The following NALCN variants were observed in gnomAD, a reference collection of about 807,000 sequenced individuals.
The protein encoded by NALCN is sodium leak channel NALCN.
A neutral mutation model predicts 225.3 loss-of-function variants in NALCN; 111 were observed. That is an observed-to-expected ratio of 0.49 (90% CI 0.42 to 0.58). The LOEUF (loss-of-function observed/expected upper bound fraction) is 0.58. Among genes scored for constraint, NALCN ranks in the 20% least tolerant of loss-of-function variants. The probability of loss-of-function intolerance (pLI) is 0.00; values close to 1 mark genes in which losing one functional copy is unlikely to be tolerated. For synonymous variants in NALCN, 764 were observed against 769.0 expected, an observed-to-expected ratio of 0.99 and a Z score of 0.11; for missense variants, 1,378 against 2,202.4, an observed-to-expected ratio of 0.63 and a Z score of 7.49.
rs143537979 is a variant in NALCN, at chr13:101,138,704, T to G, written c.2118+4376A>C. 2.3e-3 allele frequency among the ~76,000 whole-genome samples: 345 copies of G among 152,336 alleles called. 2 individuals are homozygous for G. Among genetic ancestry groups the G allele is most frequent in the African/African-American group, 7.8e-3 (323 of 41,574 alleles). The stretch of plus-strand genomic sequence containing the variant: ...TGTAGACTCAACCACAGGTGAGACC[T>G]TGACCTTGACTGGATGTCTCACTTC... On this transcript the variant is annotated intron_variant, in intron 17 of 43. Coordinates refer to ENST00000251127, the MANE Select transcript of NALCN (RefSeq NM_052867.4).
chr13:101,172,203 C>T (rs1199047911), intron 15 of NALCN, among the ~76,000 whole-genome samples: 3 of 152,054 alleles, frequency 2.0e-5, no homozygotes, highest in Non-Finnish European at 2.9e-5. Flanking sequence ...CAGGAGAACA[C>T]GGGCCCACCG....
In NALCN at chr13:101,321,921, A is replaced by T. The variant is rs546738140; in HGVS notation, c.799+23345T>A. 2.0e-5 allele frequency among the ~76,000 whole-genome samples: 3 copies of T among 152,314 alleles called. No individual in the cohort carries two copies. In the East Asian group the frequency reaches 5.8e-4, roughly 29 times the overall value. ...TTGCTGTCTTAATAGTTTAAAGAAA[A>T]GAATTAATGTATTTCTTATGTAATT... is the stretch of plus-strand genomic sequence containing the variant. On this transcript the variant is annotated intron_variant, in intron 7 of 43. Transcript: ENST00000251127.
At chr13:101,149,942 A>T in intron 15 of NALCN, among the ~76,000 whole-genome samples, 1 of 152,254 alleles carries the variant, frequency 6.6e-6, no homozygotes, top group Non-Finnish European at 1.5e-5. Context: ...GCACACCCAC[A>T]AGGCACAAGC....
chr13:101,361,472 A>C (rs999596221), intron 6 of NALCN, among the ~76,000 whole-genome samples: 3 of 152,200 alleles, frequency 2.0e-5, no homozygotes, highest in African/African-American at 7.2e-5. Flanking sequence ...TTGTAACTAA[A>C]GGAAAACTAA....
At chr13:101,172,430 T>C (rs139699185) in intron 15 of NALCN, among the ~76,000 whole-genome samples, 82 of 152,300 alleles carry the variant, frequency 5.4e-4, no homozygotes, top group African/African-American at 1.9e-3. Flanking sequence ...ATTTCTTCAC[T>C]AGTACCTTTT....
chr13:101,277,732 C>T (rs565708795), intron 10 of NALCN, among the ~76,000 whole-genome samples: 18 of 152,112 alleles, frequency 1.2e-4, no homozygotes, highest in African/African-American at 3.9e-4. Flanking sequence ...TTATTTATTT[C>T]CACACGATAG....
At chr13:101,408,043 C>G (rs147710849) in intron 1 of NALCN, among the ~76,000 whole-genome samples, 4 of 152,162 alleles carry the variant, frequency 2.6e-5, no homozygotes, top group African/African-American at 9.6e-5. Flanking sequence ...AAGATAAGTG[C>G]CTTGTCTGAG....
intron 11 of NALCN, among the ~76,000 whole-genome samples, chr13:101,251,919 A>C (rs2042074100): frequency 6.6e-6 from 1 of 152,220 alleles, no homozygotes; most frequent in African/African-American, 2.4e-5. Flanking sequence ...TATTTAGTCT[A>C]CCACAATAGA....
At chr13:101,340,806 G>C (rs563478151) in intron 7 of NALCN, among the ~76,000 whole-genome samples, 2 of 152,074 alleles carry the variant, frequency 1.3e-5, no homozygotes, top group Non-Finnish European at 2.9e-5. Context: ...AAAATATACT[G>C]TTTGTTACTT....
At chr13:101,067,104 C>T (rs907340266) in intron 39 of NALCN, among the ~76,000 whole-genome samples, 6 of 151,606 alleles carry the variant, frequency 4.0e-5, no homozygotes, top group African/African-American at 1.5e-4. Flanking sequence ...GCTATATCCT[C>T]AGTGCCTAGA....
intron 7 of NALCN, among the ~76,000 whole-genome samples, chr13:101,323,608 G>C (rs938123690): frequency 2.0e-5 from 3 of 152,166 alleles, no homozygotes; most frequent in Non-Finnish European, 4.4e-5. Context: ...AGAACATAAA[G>C]TCTGACATGT....
chr13:101,237,783 A>G lies in NALCN; in HGVS notation c.1406T>C (p.Leu469Pro). 1 of 1,586,532 alleles carries G rather than the reference A, an allele frequency of 6.3e-7. No individual in the cohort carries two copies. The highest frequency in any genetic ancestry group is 8.5e-7 in the Non-Finnish European group (1 of 1,170,158). The change falls in exon 12 of 44, where the codon CTT (leucine) becomes CCT (proline). Residue 469 changes from leucine (L) to proline (P), a missense_variant. Coordinates refer to ENST00000251127, the MANE Select transcript of NALCN (RefSeq NM_052867.4). ...AAAGTACGTGAATTGTGAATGATAAAGATCTGGGTATACATGAAGAGTAGT... is the reference window on the plus strand; with the variant it reads ...AAAGTACGTGAATTGTGAATGATAAGGATCTGGGTATACATGAAGAGTAGT... ...IGTTLHVYPD[L>P]YHSQFTYFQV...
chr13:101,330,341 A>G (rs1668635944), intron 7 of NALCN, among the ~76,000 whole-genome samples: 1 of 152,120 alleles, frequency 6.6e-6, no homozygotes, highest in South Asian at 2.1e-4. Flanking sequence ...GAGTCAATAT[A>G]AATCTTCAGG....
intron 9 of NALCN, among the ~76,000 whole-genome samples, chr13:101,289,640 G>A (rs1224603386): frequency 6.6e-6 from 1 of 151,776 alleles, no homozygotes; most frequent in Non-Finnish European, 1.5e-5. Flanking sequence ...TTAGTCCTTT[G>A]ATGAGAATAG....
At chr13:101,161,202 T>G (rs528119649) in intron 15 of NALCN, among the ~76,000 whole-genome samples, 1 of 152,326 alleles carries the variant, frequency 6.6e-6, no homozygotes, top group South Asian at 2.1e-4. Flanking sequence ...AATTGAGAAT[T>G]ACATTGAATG....
chr13:101,389,674 T>C (rs531605637), intron 3 of NALCN, among the ~76,000 whole-genome samples: 1 of 152,288 alleles, frequency 6.6e-6, no homozygotes, highest in South Asian at 2.1e-4. Flanking sequence ...ATGCAGAGGC[T>C]ACTCTACCCA....
chr13:101,106,581 A>T (rs2035116261), intron 22 of NALCN, among the ~76,000 whole-genome samples: 1 of 152,094 alleles, frequency 6.6e-6, no homozygotes, highest in Non-Finnish European at 1.5e-5. Flanking sequence ...CATAATTCCC[A>T]CATGTTGTAG....
At chr13:101,075,246 A>T (rs1180768865) in intron 35 of NALCN, among the ~76,000 whole-genome samples, 2 of 152,040 alleles carry the variant, frequency 1.3e-5, no homozygotes, top group Non-Finnish European at 2.9e-5. Context: ...AATATTAAAA[A>T]ATCTGGAATC....
At chr13:101,147,579 T>A (rs1325119938) in intron 15 of NALCN, among the ~76,000 whole-genome samples, 2 of 152,178 alleles carry the variant, frequency 1.3e-5, no homozygotes, top group Non-Finnish European at 1.5e-5. Flanking sequence ...TAAACTTTTC[T>A]TTTTTAAAGA....
Sources: allele counts gnomAD v4.1 joint callset (sites outside exome capture counted in the v4.1 genomes callset), GRCh38; gene constraint gnomAD v4.1.1; transcripts MANE v1.5; gene names NCBI Gene and HGNC (gene_info 2026-07-23, HGNC 2026-07-21).